The following IGFBP7 variants were observed in gnomAD, a reference collection of about 807,000 sequenced individuals.
IGFBP7 encodes insulin-like growth factor-binding protein 7.
IGFBP7 carries 31 observed loss-of-function variants against 29.4 expected under a neutral mutation model. That is an observed-to-expected ratio of 1.05 (90% CI 0.79 to 1.42). The LOEUF (loss-of-function observed/expected upper bound fraction) is 1.42. Ranked by LOEUF, IGFBP7 falls within the 40% of genes most tolerant of loss-of-function variation. IGFBP7 has a pLI of 0.00. For synonymous variants in IGFBP7, 172 were observed against 174.9 expected (o/e 0.98, Z 0.13); for missense variants, 393 against 395.5 (o/e 0.99, Z 0.05).
At chr4:57,052,597 C>T (rs1724531539) in intron 1 of IGFBP7, among the ~76,000 whole-genome samples, 1 of 152,148 alleles carries the variant, frequency 6.6e-6, no homozygotes, top group African/African-American at 2.4e-5. Context: ...GGCCCGTCCC[C>T]ACCCCACCCC....
intron 1 of IGFBP7, among the ~76,000 whole-genome samples, chr4:57,087,229 T>C (rs1245539099): frequency 2.6e-5 from 4 of 152,234 alleles, no homozygotes; most frequent in Non-Finnish European, 5.9e-5. Flanking sequence ...CTCTGTCTTT[T>C]GGCAGGGTGA....
chr4:57,039,643 CTTTTTTT>C (rs10716496), intron 2 of IGFBP7, among the ~76,000 whole-genome samples: 1 of 128,672 alleles, frequency 7.8e-6, no homozygotes, highest in African/African-American at 3.0e-5. Flanking sequence ...AATTCACACT[CTTTTTTT>C]TTTTTTTTTT....
chr4:57,083,206 T>G (rs1226418583), intron 1 of IGFBP7, among the ~76,000 whole-genome samples: 1 of 152,208 alleles, frequency 6.6e-6, no homozygotes, highest in East Asian at 1.9e-4. Context: ...TGAGAATGTT[T>G]AATTTTAATA....
chr4:57,053,643 C>T (rs529478102), intron 1 of IGFBP7, among the ~76,000 whole-genome samples: 1 of 152,222 alleles, frequency 6.6e-6, no homozygotes, highest in South Asian at 2.1e-4. Flanking sequence ...GCTGGAATAC[C>T]TACACTATCA....
intron 3 of IGFBP7, among the ~76,000 whole-genome samples, chr4:57,032,813 G>A (rs566840016): frequency 2.0e-5 from 3 of 152,256 alleles, no homozygotes; most frequent in South Asian, 2.1e-4. Context: ...ACACATTATC[G>A]GTTTAAGGGC....
intron 1 of IGFBP7, among the ~76,000 whole-genome samples, chr4:57,061,542 A>T (rs1241915284): frequency 6.6e-6 from 1 of 152,220 alleles, no homozygotes; most frequent in Non-Finnish European, 1.5e-5. Flanking sequence ...CTACTGACTG[A>T]CTAATGAGTG....
At chr4:57,069,841 G>A (rs543564649) in intron 1 of IGFBP7, among the ~76,000 whole-genome samples, 1 of 152,318 alleles carries the variant, frequency 6.6e-6, no homozygotes, top group African/African-American at 2.4e-5. Context: ...CCAGCACTTT[G>A]GGAGGCCGAG....
intron 1 of IGFBP7, among the ~76,000 whole-genome samples, chr4:57,078,338 A>G (rs1239618591): frequency 6.6e-6 from 1 of 152,196 alleles, no homozygotes; most frequent in Non-Finnish European, 1.5e-5. Context: ...AGCTGGGATT[A>G]AAAAGCTAGA....
intron 1 of IGFBP7, among the ~76,000 whole-genome samples, chr4:57,082,027 G>A (rs1302761053): frequency 1.3e-5 from 2 of 152,146 alleles, no homozygotes; most frequent in African/African-American, 2.4e-5. Context: ...TGGTGTGTGA[G>A]AAAGAAAGGT....
Position 57,030,837 on chromosome 4 carries a change from G to A in IGFBP7, c.*480C>T, listed in dbSNP as rs917427447. The A allele has an allele frequency of 1.3e-5, 12 of 898,024 alleles. No homozygotes were observed. In the African/African-American group the frequency reaches 2.0e-4, roughly 15 times the overall value. The allele number at this position is 898,024 out of a possible 1,614,324, so 55.6% of individuals were successfully genotyped here. On this transcript the variant is annotated 3_prime_UTR_variant, in exon 5 of 5. Coordinates refer to ENST00000295666, the MANE Select transcript of IGFBP7 (RefSeq NM_001553.3). ...GTACCAGATCTTTGTCTTTTTCTGG[G>A]GTAGAGAAGTGGGGTCACTTCAATA...
At chr4:57,058,006 TG>T (rs937729692) in intron 1 of IGFBP7, among the ~76,000 whole-genome samples, 8 of 152,116 alleles carry the variant, frequency 5.3e-5, no homozygotes, top group Non-Finnish European at 1.0e-4. Flanking sequence ...CCCATATCCA[TG>T]GGAGCTTGGC....
intron 1 of IGFBP7, among the ~76,000 whole-genome samples, chr4:57,060,963 C>T (rs1462605686): frequency 4.0e-5 from 6 of 151,850 alleles, no homozygotes; most frequent in Non-Finnish European, 7.4e-5. Flanking sequence ...AGGAGGATTG[C>T]TTAAACCCAG....
intron 1 of IGFBP7, among the ~76,000 whole-genome samples, 187 bp from the exon 2 acceptor site, chr4:57,041,120 G>T (rs1578609163): frequency 6.6e-6 from 1 of 152,208 alleles, no homozygotes; most frequent in South Asian, 2.1e-4. Flanking sequence ...CTTTGGGAAT[G>T]CATAAATCTA....
chr4:57,052,442 G>A (rs1166323424), intron 1 of IGFBP7, among the ~76,000 whole-genome samples: 1 of 152,216 alleles, frequency 6.6e-6, no homozygotes, highest in African/African-American at 2.4e-5. Context: ...GGGGAGACCA[G>A]AAGTGCCAAG....
At chr4:57,034,543 A>G (rs1215693288) in intron 2 of IGFBP7, among the ~76,000 whole-genome samples, 2 of 151,814 alleles carry the variant, frequency 1.3e-5, no homozygotes, top group Non-Finnish European at 2.9e-5. Context: ...GTGTATATAT[A>G]GACACCGTAT....
intron 1 of IGFBP7, among the ~76,000 whole-genome samples, chr4:57,097,495 A>G (rs1725789431): frequency 6.6e-6 from 1 of 152,210 alleles, no homozygotes; most frequent in African/African-American, 2.4e-5. Context: ...ATGAGGCAGT[A>G]TTGTGTTTGG....
rs966005440 is a variant in IGFBP7 at position 57,088,987 on chromosome 4, A to G, written c.475+20890T>C. Among the ~76,000 whole-genome samples, 14 of 147,716 alleles carry G rather than the reference A, an allele frequency of 9.5e-5. No homozygotes were observed. In the East Asian group the frequency reaches 2.6e-3, roughly 28 times the overall value. ...GCAGAGGTGGCAGCGAGTGGAGATCACACCACTGCATTCCAGCCTGAGCAA... is the reference window on the plus strand; with the variant it reads ...GCAGAGGTGGCAGCGAGTGGAGATCGCACCACTGCATTCCAGCCTGAGCAA... On this transcript the variant is annotated intron_variant, in intron 1 of 4. Transcript: ENST00000295666.
intron 1 of IGFBP7, among the ~76,000 whole-genome samples, chr4:57,072,213 C>T (rs1473025054): frequency 6.6e-6 from 1 of 152,078 alleles, no homozygotes; most frequent in East Asian, 1.9e-4. Flanking sequence ...GAGTTCTCAT[C>T]ATTTAGCTCC....
chr4:57,055,370 T>C (rs1713965), intron 1 of IGFBP7, among the ~76,000 whole-genome samples: 139,038 of 152,238 alleles, frequency 0.91, 63,572 homozygotes, highest in Middle Eastern at 0.98. Flanking sequence ...TAGGTAGAAG[T>C]ACTCAATTAA....
Sources: allele counts gnomAD v4.1 joint callset (sites outside exome capture counted in the v4.1 genomes callset), GRCh38; gene constraint gnomAD v4.1.1; transcripts MANE v1.5; gene names NCBI Gene and HGNC (gene_info 2026-07-23, HGNC 2026-07-21).